BIN1: variants seen among roughly 807,000 people sequenced by gnomAD.
BIN1 encodes myc box-dependent-interacting protein 1.
In BIN1, 53 loss-of-function variants were observed where a neutral mutation model predicts 82.0. That is an observed-to-expected ratio of 0.65 (90% CI 0.52 to 0.81). The LOEUF (loss-of-function observed/expected upper bound fraction) is 0.81. BIN1 is among the 40% of genes least tolerant of loss of function. The probability of loss-of-function intolerance (pLI) is 0.00; values close to 1 mark genes in which losing one functional copy is unlikely to be tolerated. For missense variants in BIN1, 642 were observed against 784.4 expected, an observed-to-expected ratio of 0.82 and a Z score of 2.17; for synonymous variants, 302 against 328.0, an observed-to-expected ratio of 0.92 and a Z score of 0.86.
intron 1 of BIN1, 89 bp from the exon 2 acceptor site, chr2:127,076,795 A>G (rs1573689722): frequency 1.4e-6 from 2 of 1,452,024 alleles, no homozygotes; most frequent in East Asian, 4.6e-5. Flanking sequence ...AGCACAGACC[A>G]GGGGCTGGGA....
chr2:127,097,481 G>C (rs1679756334), intron 1 of BIN1, among the ~76,000 whole-genome samples: 1 of 152,174 alleles, frequency 6.6e-6, no homozygotes, highest in African/African-American at 2.4e-5. Flanking sequence ...AAGCAGGCAT[G>C]CATGGGACAG....
At chr2:127,097,782 G>A (rs183666974) in intron 1 of BIN1, among the ~76,000 whole-genome samples, 4 of 152,192 alleles carry the variant, frequency 2.6e-5, no homozygotes, top group Admixed American at 1.3e-4. Context: ...GGCAGGGCCC[G>A]CCTCACCCAA....
At chr2:127,074,076 G>T (rs1434032472) in intron 2 of BIN1, among the ~76,000 whole-genome samples, 1 of 152,082 alleles carries the variant, frequency 6.6e-6, no homozygotes, top group African/African-American at 2.4e-5. Flanking sequence ...CTTCTTTAAA[G>T]ACTAAATCAC....
intron 1 of BIN1, among the ~76,000 whole-genome samples, chr2:127,081,003 G>A (rs1456799150): frequency 3.9e-5 from 6 of 152,210 alleles, no homozygotes; most frequent in Admixed American, 3.9e-4. Flanking sequence ...CCCCTCCCCA[G>A]CCCTCCGCCA....
chr2:127,086,917 C>T (rs1344577304), intron 1 of BIN1, among the ~76,000 whole-genome samples: 1 of 152,150 alleles, frequency 6.6e-6, no homozygotes, highest in Non-Finnish European at 1.5e-5. Context: ...TGACACCAGT[C>T]CACAAAGACT....
intron 1 of BIN1, among the ~76,000 whole-genome samples, chr2:127,106,233 C>T (rs544965566): frequency 2.0e-5 from 3 of 152,326 alleles, no homozygotes; most frequent in Non-Finnish European, 4.4e-5. Flanking sequence ...GTGCGTAGCC[C>T]TGGGCTCCCG....
intron 1 of BIN1, among the ~76,000 whole-genome samples, chr2:127,087,083 G>A (rs1462904756): frequency 2.6e-5 from 4 of 152,338 alleles, no homozygotes; most frequent in East Asian, 3.9e-4. Context: ...AAAAAGTGGT[G>A]TTGGGTTTTC....
Position 127,090,080 on chromosome 2 carries a change from T to C in BIN1, c.85-13374A>G, listed in dbSNP as rs937068502. Among the ~76,000 whole-genome samples, 1 of 151,548 alleles carries C rather than the reference T, an allele frequency of 6.6e-6. No individual in the cohort carries two copies. Among genetic ancestry groups the C allele is most frequent in the African/African-American group, 2.4e-5 (1 of 41,154 alleles). ...AGTCCACTGCAGCATGGCCAGTTCC[T>C]TGGAACAGCATATACCAACCACCCC... On this transcript the variant is annotated intron_variant, in intron 1 of 18. Transcript: ENST00000316724. The surrounding 1 kb of genome is among the most constrained non-coding windows in gnomAD (Gnocchi z 6.4).
intron 3 of BIN1, 55 bp downstream of exon 3, chr2:127,070,707 C>T (rs1685772250): frequency 2.5e-6 from 4 of 1,581,154 alleles, no homozygotes; most frequent in Admixed American, 3.5e-5. Context: ...CCACCCTCCC[C>T]AGCTCTGCAC....
chr2:127,098,409 A>G (rs1679876702), intron 1 of BIN1, among the ~76,000 whole-genome samples: 3 of 152,158 alleles, frequency 2.0e-5, no homozygotes. Flanking sequence ...TTCACACAGC[A>G]GAGGGGAGAT....
intron 2 of BIN1, among the ~76,000 whole-genome samples, chr2:127,073,065 G>A (rs1042010260): frequency 6.6e-6 from 1 of 152,192 alleles, no homozygotes; most frequent in Non-Finnish European, 1.5e-5. Context: ...GGGTCGTTGT[G>A]CTCCCCCGGG....
At chr2:127,051,113 G>A (rs375659793) in intron 16 of BIN1, 41 bp downstream of exon 16, 13 of 1,607,316 alleles carry the variant, frequency 8.1e-6, no homozygotes, top group South Asian at 6.6e-5. Flanking sequence ...GCAGGCGGGC[G>A]GCAGGGAGGA....
chr2:127,075,728 C>A (rs1686501650), intron 2 of BIN1, among the ~76,000 whole-genome samples: 1 of 115,922 alleles, frequency 8.6e-6, no homozygotes, highest in Admixed American at 8.2e-5. Flanking sequence ...CCGGCCCTCT[C>A]CCAGAATGCT....
chr2:127,060,575 C>T (rs200135186), intron 10 of BIN1: 25 of 1,614,046 alleles, frequency 1.5e-5, no homozygotes, highest in South Asian at 6.6e-5. Context: ...TGCGCCCCTC[C>T]GCAGCACTCA....
Position 127,093,840 on chromosome 2 carries a change from C to T in BIN1, c.84+13020G>A, listed in dbSNP as rs560104533. Among the ~76,000 whole-genome samples, 14 of 152,350 alleles carry T rather than the reference C, an allele frequency of 9.2e-5. 1 individual carries two copies. In the South Asian group the frequency reaches 2.9e-3, roughly 32 times the overall value. ...CTGGACAATCCCCTCCCCTTCCTTC[C>T]TTCCCAAGGCCTCAAGCCCTACCAT... is the stretch of plus-strand genomic sequence containing the variant. On this transcript the variant is annotated intron_variant, in intron 1 of 18. Transcript: ENST00000316724. This position sits in a 1 kb window ranked among gnomAD's most constrained non-coding sequence, Gnocchi z 5.7.
At chr2:127,070,899 G>C (rs1685806834) in intron 2 of BIN1, 83 bp from the exon 3 acceptor site, 2 of 1,390,908 alleles carry the variant, frequency 1.4e-6, no homozygotes, top group South Asian at 1.2e-5. Context: ...ACCCTCACGT[G>C]AATGAACCAG....
chr2:127,070,675 C>T, intron 3 of BIN1, 28 bp from the exon 4 acceptor site: 1 of 1,613,870 alleles, frequency 6.2e-7, no homozygotes, highest in Non-Finnish European at 8.5e-7. Flanking sequence ...AGTATGTGGG[C>T]CTCCCACTGA....
intron 1 of BIN1, among the ~76,000 whole-genome samples, chr2:127,095,862 C>T (rs188470378): frequency 2.6e-5 from 4 of 152,288 alleles, no homozygotes; most frequent in Non-Finnish European, 5.9e-5. Context: ...AATGGCTCTG[C>T]CCCCCTGAAC....
intron 1 of BIN1, among the ~76,000 whole-genome samples, chr2:127,094,635 TC>T (rs1679358305): frequency 6.6e-6 from 1 of 152,172 alleles, no homozygotes; most frequent in South Asian, 2.1e-4. Context: ...GGGGAAGGCC[TC>T]CCTAGTCTCT....
Sources: gnomAD v4.1 joint callset for allele counts (sites outside exome capture counted in the v4.1 genomes callset) on GRCh38, gnomAD v4.1.1 for gene constraint, Gnocchi (gnomAD v3.1) non-coding constraint, MANE v1.5 for transcripts, NCBI Gene and HGNC (gene_info 2026-07-23, HGNC 2026-07-21) for gene names.